ATRNL1: variants seen among roughly 807,000 people sequenced by gnomAD.
ATRNL1 encodes attractin-like protein 1.
A neutral mutation model predicts 182.7 loss-of-function variants in ATRNL1; 95 were observed. The observed-to-expected ratio is 0.52, with a 90% CI of 0.44 to 0.62. The LOEUF (loss-of-function observed/expected upper bound fraction) is 0.62, where lower values mean the gene tolerates loss of function less well. Among genes scored for constraint, ATRNL1 ranks in the 20% least tolerant of loss-of-function variants. The probability of loss-of-function intolerance (pLI) is 0.00; values close to 1 mark genes in which losing one functional copy is unlikely to be tolerated. For missense variants in ATRNL1, 1,471 were observed against 1,679.5 expected (o/e 0.88, Z 2.17); for synonymous variants, 576 against 568.3 (o/e 1.01, Z -0.19).
intron 19 of ATRNL1, among the ~76,000 whole-genome samples, chr10:115,370,017 A>G (rs1400051592): frequency 1.3e-5 from 2 of 152,172 alleles, no homozygotes; most frequent in South Asian, 2.1e-4. Flanking sequence ...GATCTTTCCC[A>G]TGCTATTCTT....
chr10:115,292,408 T>C (rs566524166), intron 15 of ATRNL1, among the ~76,000 whole-genome samples: 1 of 152,150 alleles, frequency 6.6e-6, no homozygotes, highest in South Asian at 2.1e-4. Context: ...ATTTTGGATT[T>C]TTTTTTTCTT....
Position 115,309,249 on chromosome 10 carries a change from C to T in ATRNL1, c.2819-6269C>T, listed in dbSNP as rs139443559. ...TTATTTTTACTTAGGATTGGTTTGGCTATTTAGGCTCTTTTTTGGTTCTAT... is the reference window on the plus strand; with the variant it reads ...TTATTTTTACTTAGGATTGGTTTGGTTATTTAGGCTCTTTTTTGGTTCTAT... On this transcript the variant is annotated intron_variant, in intron 17 of 28. Transcript: ENST00000355044. 4.9e-3 allele frequency among the ~76,000 whole-genome samples: 752 copies of T among 152,036 alleles called. 4 individuals carry two copies. Among genetic ancestry groups the T allele is most frequent in the African/African-American group, 0.016 (664 of 41,484 alleles).
At chr10:115,477,550 G>A (rs564213657) in intron 24 of ATRNL1, among the ~76,000 whole-genome samples, 8 of 151,448 alleles carry the variant, frequency 5.3e-5, no homozygotes, top group Non-Finnish European at 1.0e-4. Flanking sequence ...CCATAATGGT[G>A]CAAGAAAAAA....
intron 20 of ATRNL1, among the ~76,000 whole-genome samples, chr10:115,416,255 A>G (rs1296974406): frequency 6.6e-6 from 1 of 151,990 alleles, no homozygotes; most frequent in East Asian, 1.9e-4. Context: ...TCATATTGTT[A>G]TGTTTTTATA....
At chr10:115,906,464 C>A (rs900946948) in intron 28 of ATRNL1, among the ~76,000 whole-genome samples, 1 of 152,126 alleles carries the variant, frequency 6.6e-6, no homozygotes, top group Non-Finnish European at 1.5e-5. Flanking sequence ...TGGCACAGAG[C>A]AGGCTCTGTG....
At chr10:115,386,597 C>T (rs552474144) in intron 19 of ATRNL1, among the ~76,000 whole-genome samples, 46 of 151,994 alleles carry the variant, frequency 3.0e-4, no homozygotes, top group Non-Finnish European at 5.3e-4. Context: ...ACATTGTGGA[C>T]TTCTCCTCCA....
intron 26 of ATRNL1, among the ~76,000 whole-genome samples, chr10:115,596,450 A>T (rs1856247204): frequency 6.6e-6 from 1 of 152,228 alleles, no homozygotes; most frequent in South Asian, 2.1e-4. Flanking sequence ...TTATCATTTA[A>T]ATAAATATAT....
intron 19 of ATRNL1, among the ~76,000 whole-genome samples, chr10:115,389,142 T>C (rs977664078): frequency 6.6e-6 from 1 of 152,120 alleles, no homozygotes; most frequent in Non-Finnish European, 1.5e-5. Context: ...ATCCCACATA[T>C]AATTGAGATC....
intron 28 of ATRNL1, among the ~76,000 whole-genome samples, chr10:115,879,545 G>A (rs148964779): frequency 6.3e-4 from 94 of 149,844 alleles, no homozygotes; most frequent in African/African-American, 2.0e-3. Flanking sequence ...TCTGTATAAC[G>A]GGGTAAAGGG....
At chr10:115,372,142 G>C (rs1450316561) in intron 19 of ATRNL1, among the ~76,000 whole-genome samples, 1 of 152,170 alleles carries the variant, frequency 6.6e-6, no homozygotes, top group Admixed American at 6.5e-5. Context: ...TCCCAGTCTT[G>C]AGTATGTCTT....
chr10:115,744,794 T>C (rs1948242589), intron 27 of ATRNL1, among the ~76,000 whole-genome samples: 1 of 152,148 alleles, frequency 6.6e-6, no homozygotes. Flanking sequence ...AATAATTATT[T>C]TCCTACATAT....
At chr10:115,932,187 T>A (rs1042802517) in intron 28 of ATRNL1, among the ~76,000 whole-genome samples, 1 of 152,232 alleles carries the variant, frequency 6.6e-6, no homozygotes, top group Non-Finnish European at 1.5e-5. Flanking sequence ...TCAAAATTGC[T>A]TCAGAGAATC....
intron 28 of ATRNL1, among the ~76,000 whole-genome samples, chr10:115,916,860 C>T: frequency 6.6e-6 from 1 of 152,164 alleles, no homozygotes; most frequent in East Asian, 1.9e-4. Context: ...TACCCAGAAT[C>T]CGTGCTTCCA....
intron 28 of ATRNL1, among the ~76,000 whole-genome samples, chr10:115,905,605 C>T (rs377159059): frequency 6.6e-5 from 10 of 152,180 alleles, no homozygotes; most frequent in East Asian, 3.9e-4. Context: ...ATAAATTCAA[C>T]GGAAAGAAAT....
intron 27 of ATRNL1, among the ~76,000 whole-genome samples, chr10:115,753,077 T>G (rs10490919): frequency 0.47 from 71,077 of 151,804 alleles, 18,344 homozygotes; most frequent in East Asian, 0.75. Flanking sequence ...TAATAATACC[T>G]GTGTTCAGTG....
chr10:115,254,514 T>A (rs1470418915), intron 10 of ATRNL1, among the ~76,000 whole-genome samples: 1 of 145,260 alleles, frequency 6.9e-6, no homozygotes, highest in African/African-American at 2.4e-5. Flanking sequence ...TTGTTTGAGT[T>A]CTTTGTAGAT....
intron 26 of ATRNL1, among the ~76,000 whole-genome samples, chr10:115,622,848 A>C (rs1592963446): frequency 6.6e-6 from 1 of 151,326 alleles, no homozygotes; most frequent in African/African-American, 2.4e-5. Flanking sequence ...AATGGTATGA[A>C]CCCGGGAGGC....
intron 27 of ATRNL1, among the ~76,000 whole-genome samples, chr10:115,783,146 G>A (rs1555079646): frequency 1.3e-5 from 2 of 152,098 alleles, no homozygotes; most frequent in African/African-American, 4.8e-5. Flanking sequence ...AGAGGTGATG[G>A]TGAATTGTTA....
intron 13 of ATRNL1, among the ~76,000 whole-genome samples, chr10:115,274,837 G>A (rs534345409): frequency 6.6e-6 from 1 of 152,160 alleles, no homozygotes; most frequent in Non-Finnish European, 1.5e-5. Context: ...CAGGGAATGT[G>A]TTAATTGCCC....
Sources: gnomAD v4.1 joint callset for allele counts (sites outside exome capture counted in the v4.1 genomes callset) on GRCh38, gnomAD v4.1.1 for gene constraint, MANE v1.5 for transcripts, NCBI Gene and HGNC (gene_info 2026-07-23, HGNC 2026-07-21) for gene names.